Variants in CAPZA2 observed in about 807,000 individuals in gnomAD.
The protein encoded by CAPZA2 is capping actin protein of muscle Z-line subunit alpha 2, also known as F-actin-capping protein subunit alpha-2.
Under a neutral mutation model 44.0 loss-of-function variants are expected in CAPZA2, and 13 were observed. The observed-to-expected ratio is 0.30, with a 90% confidence interval of 0.19 to 0.47. CAPZA2 has a LOEUF of 0.47. CAPZA2 is among the 20% of genes least tolerant of loss of function. The pLI is 1.00. For synonymous variants in CAPZA2, 94 were observed against 108.2 expected (o/e 0.87, Z 0.81); for missense variants, 244 against 338.6 (o/e 0.72, Z 2.19).
rs374858444 is a variant in CAPZA2 at position 116,917,960 on chromosome 7, G to A, written c.*93G>A. On this transcript the variant is annotated 3_prime_UTR_variant, in exon 10 of 10. Coordinates refer to ENST00000361183, the MANE Select transcript of CAPZA2 (RefSeq NM_006136.3). ...AACTGTCAAGCTGCCCAGTCAGATGGGCTGTTGCCATTTAAAATCACTGTA... is the reference window on the plus strand; with the variant it reads ...AACTGTCAAGCTGCCCAGTCAGATGAGCTGTTGCCATTTAAAATCACTGTA... 2.1e-6 allele frequency: 2 copies of A among 946,206 alleles called. No individual in the cohort carries two copies. The highest frequency in any genetic ancestry group is 1.6e-5 in the African/African-American group (1 of 61,286). The allele number at this position is 946,206 out of a possible 1,614,324, so 58.6% of individuals were successfully genotyped here. A position where few individuals can be genotyped will look rare whatever the true frequency, so the allele number is the denominator to read the frequency against.
At chr7:116,883,385 T>A (rs117659661) in intron 1 of CAPZA2, among the ~76,000 whole-genome samples, 2,682 of 152,322 alleles carry the variant, frequency 0.018, 62 homozygotes, top group Admixed American at 0.049. Flanking sequence ...AAAAAATACC[T>A]GGATGGTTGA....
intron 1 of CAPZA2, among the ~76,000 whole-genome samples, chr7:116,887,412 C>T (rs1259389663): frequency 1.3e-5 from 2 of 152,078 alleles, no homozygotes; most frequent in Non-Finnish European, 2.9e-5. Context: ...CCTGTAGTCC[C>T]AGCTGCTCAG....
At chr7:116,865,174 C>CTTTTTTTTTTTTTTTTTTTT (rs201926723) in intron 1 of CAPZA2, among the ~76,000 whole-genome samples, 1 of 122,086 alleles carries the variant, frequency 8.2e-6, no homozygotes, top group African/African-American at 3.3e-5. Flanking sequence ...TATGCGCTCT[C>CTTTTTTTTTTTTTTTTTTTT]TTCTTTTTTT....
chr7:116,872,292 T>C (rs1190249624), intron 1 of CAPZA2, among the ~76,000 whole-genome samples: 1 of 152,182 alleles, frequency 6.6e-6, no homozygotes, highest in Non-Finnish European at 1.5e-5. Flanking sequence ...AAACGTAAGA[T>C]AAAGAATAGT....
rs1002801803 is a variant in CAPZA2, at chr7:116,918,782, C to T, written c.*915C>T. 5 of 151,846 alleles carry T rather than the reference C, an allele frequency of 3.3e-5. No individual in the cohort carries two copies. The highest frequency in any genetic ancestry group is 6.6e-5 in the Admixed American group (1 of 15,242). 9.4% of individuals were successfully genotyped at this position (151,846 alleles called of 1,614,324 possible). On this transcript the variant is annotated 3_prime_UTR_variant, in exon 10 of 10. Transcript: ENST00000361183. Reference sequence around the variant, plus strand: ...CAGTGAGCATATATATTTTAAAATACTTTCTTTGGATATTGTAATTCTTAA... The same window carrying T: ...CAGTGAGCATATATATTTTAAAATATTTTCTTTGGATATTGTAATTCTTAA...
At chr7:116,890,050 C>A (rs986847403) in intron 2 of CAPZA2, among the ~76,000 whole-genome samples, 3 of 152,100 alleles carry the variant, frequency 2.0e-5, no homozygotes, top group Non-Finnish European at 4.4e-5. Context: ...TGAGACTGCA[C>A]TAAAGTCAGT....
At chr7:116,916,195 A>G (rs1791677040) in intron 9 of CAPZA2, 73 bp downstream of exon 9, 28 of 1,407,418 alleles carry the variant, frequency 2.0e-5, no homozygotes, top group Non-Finnish European at 2.6e-5. Context: ...AATTTCAGCC[A>G]AAGGCTGAAT....
At chr7:116,864,959 A>G (rs557000121) in intron 1 of CAPZA2, among the ~76,000 whole-genome samples, 1 of 152,220 alleles carries the variant, frequency 6.6e-6, no homozygotes, top group African/African-American at 2.4e-5. Flanking sequence ...AGCTGTTAAG[A>G]TGTGTCTAGT....
chr7:116,883,271 A>T (rs1431497003), intron 1 of CAPZA2, among the ~76,000 whole-genome samples: 1 of 152,222 alleles, frequency 6.6e-6, no homozygotes, highest in Non-Finnish European at 1.5e-5. Context: ...ACCTATTGTT[A>T]ACTGGTATTT....
rs749634146 is a variant in CAPZA2, at chr7:116,917,944, G to A, written c.*77G>A. 9 of 1,248,290 alleles carry A rather than the reference G, an allele frequency of 7.2e-6. No individual in the cohort carries two copies. The highest frequency in any genetic ancestry group is 1.8e-5 in the Admixed American group (1 of 56,198). 77.3% of individuals were successfully genotyped at this position (1,248,290 alleles called of 1,614,324 possible). Reference sequence around the variant, plus strand: ...TTGCAAAAGTATTCTGAACTGTCAAGCTGCCCAGTCAGATGGGCTGTTGCC... The same window carrying A: ...TTGCAAAAGTATTCTGAACTGTCAAACTGCCCAGTCAGATGGGCTGTTGCC... On this transcript the variant is annotated 3_prime_UTR_variant, in exon 10 of 10. Coordinates refer to ENST00000361183, the MANE Select transcript of CAPZA2 (RefSeq NM_006136.3).
chr7:116,907,899 A>G lies in CAPZA2; in HGVS notation c.506+1557A>G, dbSNP rs192265912. On this transcript the variant is annotated intron_variant, in intron 6 of 9. Coordinates refer to ENST00000361183, the MANE Select transcript of CAPZA2 (RefSeq NM_006136.3). Reference sequence around the variant, plus strand: ...CACTTTCTGGAAAAAAATGTATTTTATATGCTTTGATATGATTTTTCCATA... The same window carrying G: ...CACTTTCTGGAAAAAAATGTATTTTGTATGCTTTGATATGATTTTTCCATA... Among the ~76,000 whole-genome samples, 120 of 152,302 alleles carry G rather than the reference A, an allele frequency of 7.9e-4. 1 individual carries two copies. The highest frequency in any genetic ancestry group is 1.4e-3 in the Non-Finnish European group (96 of 68,016).
Position 116,917,965 on chromosome 7 carries a change from T to A in CAPZA2, c.*98T>A, listed in dbSNP as rs1217825605. ...TCAAGCTGCCCAGTCAGATGGGCTG[T>A]TGCCATTTAAAATCACTGTAATTAA... On this transcript the variant is annotated 3_prime_UTR_variant, in exon 10 of 10. Transcript: ENST00000361183. 4.5e-6 allele frequency: 4 copies of A among 895,094 alleles called. No individual in the cohort carries two copies. Among genetic ancestry groups the A allele is most frequent in the Non-Finnish European group, 7.1e-6 (4 of 564,594 alleles). 55.4% of individuals were successfully genotyped at this position (895,094 alleles called of 1,614,324 possible).
chr7:116,869,636 C>G (rs2115870058), intron 1 of CAPZA2, among the ~76,000 whole-genome samples: 1 of 152,246 alleles, frequency 6.6e-6, no homozygotes, highest in East Asian at 1.9e-4. Flanking sequence ...TCAGGATAGG[C>G]AAGGATATAG....
chr7:116,881,790 C>T (rs1289577980), intron 1 of CAPZA2, among the ~76,000 whole-genome samples: 3 of 151,564 alleles, frequency 2.0e-5, no homozygotes, highest in Admixed American at 2.0e-4. Context: ...CCTTCCCCTC[C>T]ACCCCCGCCC....
chr7:116,870,574 C>G (rs1234241605), intron 1 of CAPZA2, among the ~76,000 whole-genome samples: 1 of 152,120 alleles, frequency 6.6e-6, no homozygotes, highest in African/African-American at 2.4e-5. Flanking sequence ...TAGCAACATC[C>G]TTAGCCCACA....
intron 3 of CAPZA2, among the ~76,000 whole-genome samples, chr7:116,898,154 T>A (rs750591345): frequency 1.3e-5 from 2 of 152,062 alleles, no homozygotes; most frequent in Non-Finnish European, 2.9e-5. Context: ...CCCTCCAATT[T>A]CCATAAACCA....
chr7:116,878,186 G>T (rs1796644767), intron 1 of CAPZA2, among the ~76,000 whole-genome samples: 1 of 152,202 alleles, frequency 6.6e-6, no homozygotes, highest in Non-Finnish European at 1.5e-5. Context: ...CTTGAATGAG[G>T]TTATGATAGG....
At chr7:116,891,022 A>G (rs189318717) in intron 2 of CAPZA2, among the ~76,000 whole-genome samples, 82 of 152,218 alleles carry the variant, frequency 5.4e-4, no homozygotes, top group Non-Finnish European at 1.0e-3. Context: ...TTCATTCTCA[A>G]ACATCTCAAA....
chr7:116,877,585 T>C (rs1562957577), intron 1 of CAPZA2, among the ~76,000 whole-genome samples: 1 of 152,254 alleles, frequency 6.6e-6, no homozygotes, highest in East Asian at 1.9e-4. Context: ...CAAGCACTTT[T>C]CTAAGTGTAT....
Sources: gnomAD v4.1 joint callset for allele counts (sites outside exome capture counted in the v4.1 genomes callset) on GRCh38, gnomAD v4.1.1 for gene constraint, MANE v1.5 for transcripts, NCBI Gene and HGNC (gene_info 2026-07-23, HGNC 2026-07-21) for gene names.